The following FSIP1 variants were observed in gnomAD, a reference collection of about 807,000 sequenced individuals.
The protein encoded by FSIP1 is fibrous sheath-interacting protein 1.
Under a neutral mutation model 60.9 loss-of-function variants are expected in FSIP1, and 65 were observed. The observed-to-expected ratio is 1.07, with a 90% confidence interval of 0.87 to 1.31. The LOEUF is 1.31. FSIP1 is among the 40% of genes most tolerant of loss of function. The probability of loss-of-function intolerance (pLI) is 0.00; values close to 1 mark genes in which losing one functional copy is unlikely to be tolerated. For synonymous variants in FSIP1, 209 were observed against 221.2 expected (o/e 0.94, Z 0.49); for missense variants, 675 against 665.5 (o/e 1.01, Z -0.16).
At chr15:39,721,141 G>A (rs927375461) in intron 9 of FSIP1, among the ~76,000 whole-genome samples, 21 of 152,128 alleles carry the variant, frequency 1.4e-4, no homozygotes, top group African/African-American at 4.8e-4. Context: ...TTTTCACAAA[G>A]ACCAACACCT....
rs1890611198 is a variant in FSIP1, at chr15:39,600,812, A to G, written c.*68T>C. On this transcript the variant is annotated 3_prime_UTR_variant, in exon 12 of 12. Coordinates refer to ENST00000350221, the MANE Select transcript of FSIP1 (RefSeq NM_152597.5). The stretch of plus-strand genomic sequence containing the variant: ...TGCAGTGCATTCATTGAATTCAAAT[A>G]ATTCAATAAGAAATTTAATTTAACT... The G allele has an allele frequency of 7.8e-7, 1 of 1,282,342 alleles. No individual in the cohort carries two copies. The highest frequency in any genetic ancestry group is 1.5e-5 in the African/African-American group (1 of 66,710). The allele number at this position is 1,282,342 out of a possible 1,614,324, so 79.4% of individuals were successfully genotyped here.
intron 9 of FSIP1, among the ~76,000 whole-genome samples, chr15:39,721,515 C>T (rs1467025778): frequency 6.6e-6 from 1 of 152,222 alleles, no homozygotes; most frequent in Non-Finnish European, 1.5e-5. Context: ...ACATCATATC[C>T]TCTGGTATCC....
chr15:39,720,648 A>T (rs1895919683), intron 9 of FSIP1, among the ~76,000 whole-genome samples: 1 of 152,238 alleles, frequency 6.6e-6, no homozygotes. Flanking sequence ...CTGAATGCTT[A>T]CATAACTCCT....
At chr15:39,666,927 C>T (rs1227342750) in intron 10 of FSIP1, among the ~76,000 whole-genome samples, 1 of 152,232 alleles carries the variant, frequency 6.6e-6, no homozygotes, top group Admixed American at 6.5e-5. Context: ...AAGAAGCACA[C>T]TTATGACTGT....
rs560346333 is a variant in FSIP1 at position 39,774,717 on chromosome 15, A to C, written c.126+1682T>G. ...TAATCCAATTAGATGAACCTGCACAAGATTTAGAAAGCAGATGTGAGGTAG... is the reference window on the plus strand; with the variant it reads ...TAATCCAATTAGATGAACCTGCACACGATTTAGAAAGCAGATGTGAGGTAG... On this transcript the variant is annotated intron_variant, in intron 2 of 11. Transcript: ENST00000350221. Among the ~76,000 whole-genome samples, 7 of 152,346 alleles carry C rather than the reference A, an allele frequency of 4.6e-5. 1 individual carries two copies. In the South Asian group the frequency reaches 1.4e-3, roughly 32 times the overall value.
intron 1 of FSIP1, 141 bp downstream of exon 1, chr15:39,782,487 G>A (rs1156443925): frequency 2.4e-5 from 2 of 85,062 alleles, no homozygotes; most frequent in Non-Finnish European, 4.8e-5. Context: ...CAATGAGCCC[G>A]CCCCCGCCCT....
chr15:39,740,733 T>C (rs986993174), intron 6 of FSIP1, among the ~76,000 whole-genome samples: 4 of 152,208 alleles, frequency 2.6e-5, no homozygotes, highest in African/African-American at 9.6e-5. Context: ...TATAGCTAGT[T>C]ATCAAAGAGT....
intron 8 of FSIP1, among the ~76,000 whole-genome samples, chr15:39,734,237 T>C (rs1896525769): frequency 2.0e-5 from 3 of 152,196 alleles, no homozygotes; most frequent in Admixed American, 2.0e-4. Context: ...AATATTTGAA[T>C]ACACAAACAC....
At chr15:39,744,744 GTCTGTCTC>G (rs745500385) in intron 5 of FSIP1, among the ~76,000 whole-genome samples, 5 of 136,400 alleles carry the variant, frequency 3.7e-5, no homozygotes, top group East Asian at 2.2e-4. Context: ...CTGTCTGTCT[GTCTGTCTC>G]TCTCTCTCTC....
At chr15:39,782,433 A>T (rs1241801663) in intron 1 of FSIP1, 195 bp downstream of exon 1, 4 of 152,508 alleles carry the variant, frequency 2.6e-5, no homozygotes, top group African/African-American at 4.8e-5. Flanking sequence ...TGATTCCTGG[A>T]GAAATAGCCT....
chr15:39,627,980 C>A (rs1891713441), intron 10 of FSIP1, among the ~76,000 whole-genome samples: 2 of 152,208 alleles, frequency 1.3e-5, no homozygotes, highest in Admixed American at 1.3e-4. Flanking sequence ...GTTAGCAGCT[C>A]CAACCAGCCT....
At chr15:39,661,981 T>C (rs1435774770) in intron 10 of FSIP1, among the ~76,000 whole-genome samples, 1 of 152,174 alleles carries the variant, frequency 6.6e-6, no homozygotes. Context: ...AGAATGTCTT[T>C]GAAAAATTAT....
chr15:39,687,821 C>A (rs146100886), intron 10 of FSIP1, among the ~76,000 whole-genome samples: 47 of 152,306 alleles, frequency 3.1e-4, no homozygotes, highest in African/African-American at 1.1e-3. Context: ...TTTACCTCTA[C>A]CTAACACAGG....
At chr15:39,618,302 T>C in intron 10 of FSIP1, 57 bp from the exon 11 acceptor site, 1 of 1,383,790 alleles carries the variant, frequency 7.2e-7, no homozygotes, top group Non-Finnish European at 9.9e-7. Context: ...CACATTTATT[T>C]TTGGTAGGCA....
intron 10 of FSIP1, among the ~76,000 whole-genome samples, chr15:39,668,487 T>C (rs1184442120): frequency 6.6e-6 from 1 of 152,248 alleles, no homozygotes; most frequent in African/African-American, 2.4e-5. Flanking sequence ...TTCATGTCTC[T>C]AACCAGCATT....
Position 39,713,586 on chromosome 15 carries a change from T to A in FSIP1, c.1051-5A>T. ...TTCACCATCACGGTCAGGTTTCTAA[T>A]TTAAAGAAAAAAAAAAAACATCATT... On this transcript the variant is annotated splice_region_variant and splice_polypyrimidine_tract_variant and intron_variant, in intron 9 of 11. Transcript: ENST00000350221. The A allele has an allele frequency of 1.3e-6, 2 of 1,574,114 alleles. No homozygotes were observed. Among genetic ancestry groups the A allele is most frequent in the Non-Finnish European group, 1.7e-6 (2 of 1,169,116 alleles).
intron 10 of FSIP1, among the ~76,000 whole-genome samples, chr15:39,686,368 T>C (rs1894374292): frequency 6.6e-6 from 1 of 152,268 alleles, no homozygotes; most frequent in African/African-American, 2.4e-5. Flanking sequence ...ACATTTTCAA[T>C]TAAAAACTTT....
intron 5 of FSIP1, among the ~76,000 whole-genome samples, chr15:39,758,073 T>C (rs1441307083): frequency 6.6e-6 from 1 of 152,068 alleles, no homozygotes; most frequent in Non-Finnish European, 1.5e-5. Flanking sequence ...TGTTAGAACA[T>C]CAGGACTAAT....
chr15:39,745,723 CAG>C (rs1896970033), intron 5 of FSIP1, among the ~76,000 whole-genome samples: 1 of 152,126 alleles, frequency 6.6e-6, no homozygotes, highest in African/African-American at 2.4e-5. Context: ...CACATGCAGA[CAG>C]GGGGAAGACA....
Sources: gnomAD v4.1 joint callset for allele counts (sites outside exome capture counted in the v4.1 genomes callset) on GRCh38, gnomAD v4.1.1 for gene constraint, MANE v1.5 for transcripts, NCBI Gene and HGNC (gene_info 2026-07-23, HGNC 2026-07-21) for gene names.